The following COL22A1 variants were observed in gnomAD, a reference collection of about 807,000 sequenced individuals.
COL22A1 encodes collagen alpha-1(XXII) chain.
In COL22A1, 221 loss-of-function variants were observed where a neutral mutation model predicts 248.9. The ratio of observed to expected loss-of-function variants is 0.89; its 90% CI spans 0.80 to 0.99. The LOEUF (loss-of-function observed/expected upper bound fraction) is 0.99. Ranked by LOEUF, COL22A1 falls within the 50% of genes least tolerant of loss-of-function variation. The probability of loss-of-function intolerance (pLI) is 0.00; values close to 1 mark genes in which losing one functional copy is unlikely to be tolerated. For synonymous variants in COL22A1, 891 were observed against 793.4 expected (o/e 1.12, Z -2.07); for missense variants, 2,240 against 2,179.0 (o/e 1.03, Z -0.56).
chr8:138,636,056 A>T (rs1056236564), intron 48 of COL22A1, among the ~76,000 whole-genome samples: 4 of 152,182 alleles, frequency 2.6e-5, no homozygotes, highest in African/African-American at 9.6e-5. Flanking sequence ...GGAGAAGTAA[A>T]GGGGAGGGCA....
chr8:138,816,385 C>T (rs546463694), intron 7 of COL22A1, among the ~76,000 whole-genome samples: 2 of 152,322 alleles, frequency 1.3e-5, no homozygotes, highest in South Asian at 2.1e-4. Context: ...CTGTGCTGCC[C>T]CACTCCTGTC....
chr8:138,903,482 T>G (rs896786219), intron 1 of COL22A1, among the ~76,000 whole-genome samples: 2 of 152,092 alleles, frequency 1.3e-5, no homozygotes, highest in African/African-American at 4.8e-5. Context: ...CTAATGGGCT[T>G]TAAGTGGAGT....
At chr8:138,642,205 C>A (rs573953378) in intron 47 of COL22A1, among the ~76,000 whole-genome samples, 44 of 152,308 alleles carry the variant, frequency 2.9e-4, no homozygotes, top group African/African-American at 1.0e-3. Context: ...AATAACTACT[C>A]AGGGTACTGA....
At chr8:138,738,809 A>G (rs1831326898) in intron 22 of COL22A1, among the ~76,000 whole-genome samples, 2 of 152,170 alleles carry the variant, frequency 1.3e-5, no homozygotes, top group African/African-American at 4.8e-5. Context: ...AAAACTTGAT[A>G]TCGTCCTCTC....
At position 138,588,965 on chromosome 8, in the gene COL22A1, T is replaced by G. The variant is rs991495875; in HGVS notation, c.*288A>C. ...CAATCTCCTGCCCCACGAATCAAGT[T>G]TTCCCAACTTTAAAGGAGTGGAAAA... On this transcript the variant is annotated 3_prime_UTR_variant, in exon 65 of 65. Coordinates refer to ENST00000303045, the MANE Select transcript of COL22A1 (RefSeq NM_152888.3). 7.8e-6 allele frequency: 2 copies of G among 257,040 alleles called. No individual in the cohort carries two copies. Among genetic ancestry groups the G allele is most frequent in the Non-Finnish European group, 7.2e-6 (1 of 138,058 alleles). 15.9% of individuals were successfully genotyped at this position (257,040 alleles called of 1,614,324 possible).
At chr8:138,663,036 A>ACACACACACACACACAC (rs1554737820) in intron 42 of COL22A1, among the ~76,000 whole-genome samples, 10 of 151,980 alleles carry the variant, frequency 6.6e-5, no homozygotes, top group East Asian at 3.9e-4. Context: ...ACACACACAC[A>ACACACACACACACACAC]AAGCAATCCC....
At chr8:138,867,798 T>A (rs1026263498) in intron 3 of COL22A1, among the ~76,000 whole-genome samples, 1 of 152,226 alleles carries the variant, frequency 6.6e-6, no homozygotes, top group Non-Finnish European at 1.5e-5. Flanking sequence ...GACGAAGTCC[T>A]ACTCTGTCGC....
intron 10 of COL22A1, among the ~76,000 whole-genome samples, chr8:138,805,517 G>A (rs918985280): frequency 3.5e-5 from 5 of 144,848 alleles, no homozygotes; most frequent in African/African-American, 1.4e-4. Context: ...TGGTGTGTGT[G>A]TATATGTGTG....
intron 47 of COL22A1, among the ~76,000 whole-genome samples, chr8:138,644,206 C>A (rs1027154926): frequency 2.0e-5 from 3 of 152,140 alleles, no homozygotes; most frequent in Non-Finnish European, 4.4e-5. Context: ...TTAGGTAGGT[C>A]ATTCAAGTGG....
chr8:138,869,024 C>T (rs1330478928), intron 3 of COL22A1, among the ~76,000 whole-genome samples: 1 of 152,172 alleles, frequency 6.6e-6, no homozygotes, highest in Non-Finnish European at 1.5e-5. Context: ...GAGCCACACA[C>T]CCAGCCCAGC....
At chr8:138,698,118 C>G (rs1008123881) in intron 32 of COL22A1, among the ~76,000 whole-genome samples, 5 of 152,166 alleles carry the variant, frequency 3.3e-5, no homozygotes, top group African/African-American at 7.2e-5. Flanking sequence ...TTGTCTCAAC[C>G]CCGAGGGGCT....
intron 1 of COL22A1, among the ~76,000 whole-genome samples, chr8:138,912,712 TGTA>T (rs1239745903): frequency 6.6e-6 from 1 of 151,518 alleles, no homozygotes; most frequent in African/African-American, 2.4e-5. Flanking sequence ...CTCGCACCAT[TGTA>T]CTCCAGCCTG....
At chr8:138,691,975 GGTGT>G (rs1172299968) in intron 35 of COL22A1, among the ~76,000 whole-genome samples, 9 of 43,498 alleles carry the variant, frequency 2.1e-4, no homozygotes, top group East Asian at 7.8e-4. Context: ...CATGTGTGGA[GGTGT>G]GTGTATGTGT....
At chr8:138,709,982 G>C (rs760313008) in intron 30 of COL22A1, among the ~76,000 whole-genome samples, 1 of 152,154 alleles carries the variant, frequency 6.6e-6, no homozygotes, top group Non-Finnish European at 1.5e-5. Context: ...CCATGAAGGA[G>C]TGGGCTCTTC....
intron 1 of COL22A1, among the ~76,000 whole-genome samples, chr8:138,907,395 G>T (rs1815112272): frequency 6.6e-6 from 1 of 152,182 alleles, no homozygotes; most frequent in African/African-American, 2.4e-5. Flanking sequence ...AGCTGGAAGG[G>T]TACAAGAAAA....
intron 3 of COL22A1, among the ~76,000 whole-genome samples, chr8:138,845,547 T>TAAA (rs1821186238): frequency 8.4e-6 from 1 of 118,512 alleles, no homozygotes; most frequent in Admixed American, 8.7e-5. Flanking sequence ...AAATAAATAA[T>TAAA]AAAAAGTTGG....
chr8:138,590,482 A>T lies in COL22A1; in HGVS notation c.4693+942T>A, dbSNP rs902780046. Among the ~76,000 whole-genome samples the T allele has an allele frequency of 2.6e-5, 4 of 152,290 alleles. No individual in the cohort carries two copies. In the South Asian group the frequency reaches 8.3e-4, roughly 32 times the overall value. On this transcript the variant is annotated intron_variant, in intron 64 of 64. Coordinates refer to ENST00000303045, the MANE Select transcript of COL22A1 (RefSeq NM_152888.3). ...TCTTTATTTGAAATTGCCTTCTTTT[A>T]AAAGTTATTCTTAATATTGTAAGCT...
At chr8:138,813,715 G>A (rs548376286) in intron 7 of COL22A1, among the ~76,000 whole-genome samples, 2 of 58,588 alleles carry the variant, frequency 3.4e-5, no homozygotes, top group South Asian at 1.2e-3. Context: ...GGGGCTTCAG[G>A]ACACGTTAAA....
In COL22A1 at chr8:138,821,382, C is replaced by T. The variant is rs756455402; in HGVS notation, c.999G>A (p.Lys333=). The change falls in exon 7 of 65, where the codon AAG becomes AAA. Residue 333 remains lysine (K), a synonymous_variant. Coordinates refer to ENST00000303045, the MANE Select transcript of COL22A1 (RefSeq NM_152888.3). ...CACCCACAGCGTTGTACTCGACTGC[C>T]TTGTTTTCACCATCCAGCCGGATGG... The part of the protein sequence containing the change: ...QVSIRLDGEN[K]AVEYNAVGAM... 2 of 1,613,696 alleles carry T rather than the reference C, an allele frequency of 1.2e-6. No homozygotes were observed. The highest frequency in any genetic ancestry group is 1.7e-6 in the Non-Finnish European group (2 of 1,179,640).
Sources: allele counts gnomAD v4.1 joint callset (sites outside exome capture counted in the v4.1 genomes callset), GRCh38; gene constraint gnomAD v4.1.1; transcripts MANE v1.5; gene names NCBI Gene and HGNC (gene_info 2026-07-23, HGNC 2026-07-21).